Variants in GRK3 observed in about 807,000 individuals in gnomAD.
GRK3 encodes G protein-coupled receptor kinase 3, also known as adrenergic, beta, receptor kinase 2.
Under a neutral mutation model 95.7 loss-of-function variants are expected in GRK3, and 54 were observed. The ratio of observed to expected loss-of-function variants is 0.56; its 90% CI spans 0.45 to 0.71. The LOEUF (loss-of-function observed/expected upper bound fraction) is 0.71. GRK3 is among the 30% of genes least tolerant of loss of function. The pLI is 0.00. For synonymous variants in GRK3, 281 were observed against 290.8 expected (o/e 0.97, Z 0.34); for missense variants, 649 against 851.2 (o/e 0.76, Z 2.96).
intron 1 of GRK3, among the ~76,000 whole-genome samples, chr22:25,571,618 C>T (rs974925875): frequency 8.6e-5 from 13 of 151,980 alleles, no homozygotes; most frequent in African/African-American, 2.2e-4. Context: ...AACATAATAG[C>T]GAATATTAAG....
intron 2 of GRK3, among the ~76,000 whole-genome samples, chr22:25,640,759 G>T (rs1437946077): frequency 1.3e-5 from 2 of 151,968 alleles, no homozygotes; most frequent in Non-Finnish European, 1.5e-5. Context: ...TTATCGTGAT[G>T]GCGGGTGTTA....
chr22:25,668,509 A>G (rs999215334), intron 6 of GRK3, among the ~76,000 whole-genome samples: 5 of 152,356 alleles, frequency 3.3e-5, no homozygotes, highest in Admixed American at 6.5e-5. Flanking sequence ...TCTTCACCAC[A>G]TATTCACAGA....
intron 2 of GRK3, among the ~76,000 whole-genome samples, chr22:25,617,702 TC>T (rs903270446): frequency 6.6e-6 from 1 of 152,216 alleles, no homozygotes; most frequent in African/African-American, 2.4e-5. Context: ...CAGTACATGC[TC>T]TTTTGTGTCT....
chr22:25,660,761 T>G (rs573852881), intron 3 of GRK3, among the ~76,000 whole-genome samples: 2 of 152,358 alleles, frequency 1.3e-5, no homozygotes, highest in East Asian at 3.9e-4. Context: ...GAGCTTCATA[T>G]TTCATGTATG....
intron 1 of GRK3, among the ~76,000 whole-genome samples, chr22:25,592,725 G>A (rs1349558289): frequency 6.6e-6 from 1 of 152,228 alleles, no homozygotes; most frequent in East Asian, 1.9e-4. Flanking sequence ...GTGATGATGA[G>A]GTTTGGGGTA....
At chr22:25,612,850 T>TTTTTAA (rs1569164021) in intron 2 of GRK3, among the ~76,000 whole-genome samples, 4 of 136,094 alleles carry the variant, frequency 2.9e-5, no homozygotes, top group South Asian at 2.2e-4. Context: ...CTCTAAAAGT[T>TTTTTAA]AAAAAAAAAA....
At chr22:25,696,197 C>G (rs1472207252) in intron 13 of GRK3, among the ~76,000 whole-genome samples, 1 of 152,018 alleles carries the variant, frequency 6.6e-6, no homozygotes, top group Non-Finnish European at 1.5e-5. Flanking sequence ...CCAGGCTGGT[C>G]TCGAACTCCT....
chr22:25,650,820 C>T (rs1045241907), intron 3 of GRK3, among the ~76,000 whole-genome samples: 2 of 152,138 alleles, frequency 1.3e-5, no homozygotes, highest in Non-Finnish European at 2.9e-5. Context: ...ACATTCATTC[C>T]AGTGGGATAC....
At chr22:25,577,578 A>G (rs1931950317) in intron 1 of GRK3, among the ~76,000 whole-genome samples, 1 of 152,242 alleles carries the variant, frequency 6.6e-6, no homozygotes, top group South Asian at 2.1e-4. Context: ...CTACCCAGAA[A>G]GGTTGTTGAG....
chr22:25,669,431 C>T (rs1405151323), intron 6 of GRK3, among the ~76,000 whole-genome samples: 3 of 152,196 alleles, frequency 2.0e-5, no homozygotes, highest in African/African-American at 2.4e-5. Context: ...AGCAGGACAA[C>T]GACTGAGTCA....
At chr22:25,611,936 G>A (rs1018125049) in intron 2 of GRK3, among the ~76,000 whole-genome samples, 3 of 149,160 alleles carry the variant, frequency 2.0e-5, no homozygotes, top group African/African-American at 7.4e-5. Flanking sequence ...AGGTTCAAGT[G>A]ATTCTCCTGT....
At chr22:25,628,968 G>A (rs1307135493) in intron 2 of GRK3, among the ~76,000 whole-genome samples, 1 of 152,134 alleles carries the variant, frequency 6.6e-6, no homozygotes, top group Non-Finnish European at 1.5e-5. Flanking sequence ...CCTTGGGGGT[G>A]GTGATGGTGG....
At chr22:25,565,179 GC>G (rs1569145413) in intron 1 of GRK3, 26 bp downstream of exon 1, 4 of 1,319,348 alleles carry the variant, frequency 3.0e-6, no homozygotes, top group Non-Finnish European at 4.1e-6. Context: ...GCCGGCGCCG[GC>G]CCCAAGCCGC....
intron 4 of GRK3, 68 bp downstream of exon 4, chr22:25,661,745 A>C: frequency 9.9e-7 from 1 of 1,007,316 alleles, no homozygotes. Context: ...GCGTTTCCAG[A>C]ATGAAAGTTA....
chr22:25,565,140 C>A lies in GRK3; in HGVS notation c.100C>A (p.Leu34Met). 6.5e-7 allele frequency: 1 copy of A among 1,527,722 alleles called. No homozygotes were observed. Among genetic ancestry groups the A allele is most frequent in the Admixed American group, 2.1e-5 (1 of 48,370 alleles). The allele number at this position is 1,527,722 out of a possible 1,614,324, so 94.6% of individuals were successfully genotyped here. The change falls in exon 1 of 21, where the codon CTG (leucine) becomes ATG (methionine). Residue 34 changes from leucine (L) to methionine (M), a missense_variant. Physicochemically the swap from Leu to Met is conservative, Grantham distance 15. Around this residue, in one of 3 missense-constraint regions of GRK3, gnomAD observed 206 missense variants for 231.4 expected, o/e 0.89. Transcript: ENST00000324198. The stretch of plus-strand genomic sequence containing the variant: ...CGCCCGCGCCAGCAAGAGGATCGTC[C>A]TGCCGGAGCCCAGGTACCAGCTGCC... ...PAARASKRIV[L>M]PEPSIRSVMQ... is the part of the protein sequence containing the mutation.
At chr22:25,720,467 CTTTTTTTT>C (rs963248407) in intron 19 of GRK3, among the ~76,000 whole-genome samples, 22 of 102,574 alleles carry the variant, frequency 2.1e-4, no homozygotes, top group African/African-American at 5.4e-4. Context: ...ATACTATAGA[CTTTTTTTT>C]TTTTTTTTTT....
At chr22:25,603,262 C>A (rs945180696) in intron 1 of GRK3, among the ~76,000 whole-genome samples, 1 of 151,926 alleles carries the variant, frequency 6.6e-6, no homozygotes, top group Non-Finnish European at 1.5e-5. Flanking sequence ...AAATTTGCCT[C>A]AATTTGTTTT....
chr22:25,652,109 A>C (rs549409476), intron 3 of GRK3, among the ~76,000 whole-genome samples: 11 of 152,336 alleles, frequency 7.2e-5, no homozygotes, highest in African/African-American at 2.6e-4. Flanking sequence ...CTGCATGACA[A>C]GAAATACTAA....
chr22:25,654,520 C>G (rs1782473589), intron 3 of GRK3, among the ~76,000 whole-genome samples: 2 of 152,038 alleles, frequency 1.3e-5, no homozygotes, highest in South Asian at 2.1e-4. Flanking sequence ...AAGCTAAATC[C>G]AAAAGGATTT....
Sources: gnomAD v4.1 joint callset for allele counts (sites outside exome capture counted in the v4.1 genomes callset) on GRCh38, gnomAD v4.1.1 for gene constraint, gnomAD v4.1.1 regional missense constraint, MANE v1.5 for transcripts, NCBI Gene and HGNC (gene_info 2026-07-23, HGNC 2026-07-21) for gene names.